Variants in RARB observed in about 807,000 individuals in gnomAD.
The protein encoded by RARB is HBV-activated protein.
In RARB, 17 loss-of-function variants were observed where a neutral mutation model predicts 51.9. The ratio of observed to expected loss-of-function variants is 0.33; its 90% CI spans 0.22 to 0.49. The LOEUF (loss-of-function observed/expected upper bound fraction) is 0.49. RARB is among the 20% of genes least tolerant of loss of function. The pLI, the probability that RARB is intolerant of heterozygous loss-of-function variation, is 0.99. For synonymous variants in RARB, 215 were observed against 195.4 expected, an observed-to-expected ratio of 1.10 and a Z score of -0.84; for missense variants, 369 against 550.8, an observed-to-expected ratio of 0.67 and a Z score of 3.30.
intron 2 of RARB, among the ~76,000 whole-genome samples, chr3:24,885,382 A>T (rs762837467): frequency 2.0e-5 from 3 of 152,142 alleles, no homozygotes; most frequent in Non-Finnish European, 4.4e-5. Flanking sequence ...TCTGGTGGGG[A>T]TTTGAGCATC....
intron 5 of RARB, among the ~76,000 whole-genome samples, chr3:25,239,517 A>G (rs185795317): frequency 1.9e-3 from 288 of 152,260 alleles, no homozygotes; most frequent in Non-Finnish European, 3.6e-3. Flanking sequence ...TCTTCTGCAT[A>G]TGGGTGTCCA....
intron 2 of RARB, among the ~76,000 whole-genome samples, chr3:24,879,443 A>AT (rs1703113339): frequency 6.6e-6 from 1 of 150,790 alleles, no homozygotes; most frequent in Non-Finnish European, 1.5e-5. Flanking sequence ...TTAAAAAAAA[A>AT]TAAAAAATAA....
At chr3:25,168,480 C>T (rs1049250544) in intron 4 of RARB, among the ~76,000 whole-genome samples, 2 of 152,130 alleles carry the variant, frequency 1.3e-5, no homozygotes, top group African/African-American at 4.8e-5. Context: ...CCCACCTCAG[C>T]CTCCCAAAGT....
Position 25,428,538 on chromosome 3 carries a change from G to T in RARB, c.-194G>T. The T allele has an allele frequency of 1.6e-6, 2 of 1,276,014 alleles. No homozygotes were observed. The highest frequency in any genetic ancestry group is 5.9e-5 in the South Asian group (2 of 33,630). The allele number at this position is 1,276,014 out of a possible 1,614,324, so 79.0% of individuals were successfully genotyped here. ...CGAGCAAGCCTGGAAAATGGTAAATGATCATTTGGATCAATTACAGGCTTT... is the reference window on the plus strand; with the variant it reads ...CGAGCAAGCCTGGAAAATGGTAAATTATCATTTGGATCAATTACAGGCTTT... On this transcript the variant is annotated 5_prime_UTR_variant, in exon 1 of 8. The change abolishes an upstream ATG in the 5' untranslated region. Coordinates refer to ENST00000330688, the MANE Select transcript of RARB (RefSeq NM_000965.5).
chr3:25,580,675 A>C lies in RARB; in HGVS notation c.739A>C (p.Ile247Leu). 6.2e-6 allele frequency: 10 copies of C among 1,611,720 alleles called. No individual in the cohort carries two copies. Among genetic ancestry groups the C allele is most frequent in the Non-Finnish European group, 7.6e-6 (9 of 1,178,070 alleles). ...KRLPGFTGLT[I>L]ADQITLLKAA... ...TCTGCCTGGTTTCACTGGCTTGACC[A>C]TCGCAGACCAAATTACCCTGCTGAA... is the stretch of plus-strand genomic sequence containing the variant. Residue 247 changes from isoleucine to leucine, a missense_variant, in exon 5 of 8, where the codon ATC becomes CTC. By Grantham distance (5) the Ile-to-Leu change is conservative. This residue lies in a region of RARB where 49 missense variants were observed against 103.4 expected (regional missense o/e 0.47). Coordinates refer to ENST00000330688, the MANE Select transcript of RARB (RefSeq NM_000965.5).
chr3:25,049,459 C>T (rs987311904), intron 2 of RARB, among the ~76,000 whole-genome samples: 8 of 152,200 alleles, frequency 5.3e-5, no homozygotes, highest in African/African-American at 1.9e-4. Flanking sequence ...ATTTACATCA[C>T]TTTGACTATT....
chr3:25,081,170 A>C (rs1397752044), intron 3 of RARB, among the ~76,000 whole-genome samples: 1 of 152,140 alleles, frequency 6.6e-6, no homozygotes, highest in Non-Finnish European at 1.5e-5. Context: ...TTAATTCAAA[A>C]TATTTTTAAA....
At chr3:24,913,751 T>G (rs561319142) in intron 2 of RARB, among the ~76,000 whole-genome samples, 1 of 152,306 alleles carries the variant, frequency 6.6e-6, no homozygotes, top group South Asian at 2.1e-4. Flanking sequence ...AGTCCCATAT[T>G]TTGAACGTTT....
At chr3:25,325,344 GCTTCTTTACCA>G (rs1704683462) in intron 5 of RARB, among the ~76,000 whole-genome samples, 1 of 152,058 alleles carries the variant, frequency 6.6e-6, no homozygotes, top group Non-Finnish European at 1.5e-5. Context: ...GTTTTGGCTG[GCTTCTTTACCA>G]CAGCCTGTTC....
rs371036968 is a variant in RARB, at chr3:25,404,010, C to T, written c.179-57183C>T. Reference sequence around the variant, plus strand: ...ATTTTTTTTTTCTGGACAAGATCCACCTGGAGCTTTTCAGAGGTTGCTGAT... The same window carrying T: ...ATTTTTTTTTTCTGGACAAGATCCATCTGGAGCTTTTCAGAGGTTGCTGAT... On this transcript the variant is annotated intron_variant, in intron 5 of 11. Transcript: ENST00000383772. Among the ~76,000 whole-genome samples, 7 of 151,166 alleles carry T rather than the reference C, an allele frequency of 4.6e-5. No individual in the cohort carries two copies. The East Asian group carries it at 9.7e-4, about 21-fold the overall frequency.
Position 25,442,116 on chromosome 3 carries a change from T to TTATTTATTTATTTA in RARB, c.157+13229_157+13230insATTTATTTATTTAT, listed in dbSNP as rs1553615541. ...AAGTGACTTTTTAATTTTATTTTAT[T>TTATTTATTTATTTA]TTTATTTATTTATTTATTTATTTAT... On this transcript the variant is annotated intron_variant, in intron 1 of 7. Coordinates refer to ENST00000330688, the MANE Select transcript of RARB (RefSeq NM_000965.5). 3.4e-3 allele frequency among the ~76,000 whole-genome samples: 498 copies of TTATTTATTTATTTA among 147,830 alleles called. 1 individual carries two copies. The highest frequency in any genetic ancestry group is 4.3e-3 in the Non-Finnish European group (290 of 67,110).
intron 5 of RARB, among the ~76,000 whole-genome samples, chr3:25,586,399 G>A (rs549587090): frequency 2.4e-4 from 36 of 152,288 alleles, no homozygotes; most frequent in Admixed American, 7.8e-4. Context: ...GTTGGTCGCC[G>A]TGGCAGGGTT....
At position 25,541,108 on chromosome 3, in the gene RARB, C is replaced by G. The variant is rs144083402; in HGVS notation, c.449-28650C>G. Reference sequence around the variant, plus strand: ...ATGCCTATTCATTTATACTCATTGTCTAAAGCTGCTTTCCCAGGACAACCA... The same window carrying G: ...ATGCCTATTCATTTATACTCATTGTGTAAAGCTGCTTTCCCAGGACAACCA... On this transcript the variant is annotated intron_variant, in intron 3 of 7. Transcript: ENST00000330688. Among the ~76,000 whole-genome samples the G allele has an allele frequency of 8.7e-4, 133 of 152,310 alleles. 1 individual carries two copies. The highest frequency in any genetic ancestry group is 3.0e-3 in the African/African-American group (125 of 41,560).
At chr3:25,479,738 G>A (rs1430387341) in intron 2 of RARB, among the ~76,000 whole-genome samples, 1 of 152,086 alleles carries the variant, frequency 6.6e-6, no homozygotes, top group African/African-American at 2.4e-5. Flanking sequence ...TAAAGGAAGT[G>A]GATTATCACT....
At chr3:25,295,629 C>T (rs775763807) in intron 5 of RARB, among the ~76,000 whole-genome samples, 1 of 152,078 alleles carries the variant, frequency 6.6e-6, no homozygotes, top group Admixed American at 6.6e-5. Context: ...TTTTATTTGC[C>T]TAATATGTAG....
chr3:25,409,533 G>T (rs7630502), intron 5 of RARB, among the ~76,000 whole-genome samples: 94,417 of 151,860 alleles, frequency 0.62, 29,630 homozygotes, highest in East Asian at 0.81. Flanking sequence ...TTAGGGCTCA[G>T]AGAGAACGTG....
intron 3 of RARB, among the ~76,000 whole-genome samples, chr3:25,540,173 T>C (rs1275549138): frequency 6.6e-6 from 1 of 152,214 alleles, no homozygotes; most frequent in Non-Finnish European, 1.5e-5. Context: ...ATTTAGTAAT[T>C]GATCAATTCC....
chr3:25,079,102 C>T (rs543318252), intron 3 of RARB, among the ~76,000 whole-genome samples: 31 of 151,952 alleles, frequency 2.0e-4, no homozygotes, highest in African/African-American at 6.8e-4. Context: ...TTGACGCTTA[C>T]ACATATTCTA....
rs1485936218 is a variant in RARB, at chr3:25,438,327, GCCC to G, written c.157+9440_157+9442del. 7.6e-3 allele frequency among the ~76,000 whole-genome samples: 1,163 copies of G among 152,232 alleles called. 30 individuals are homozygous for G. In the East Asian group the frequency reaches 0.087, roughly 11 times the overall value. On this transcript the variant is annotated intron_variant, in intron 1 of 7. Coordinates refer to ENST00000330688, the MANE Select transcript of RARB (RefSeq NM_000965.5). ...TGCTGGTGAAGCAGACACAGGGCCA[GCCC>G]AGATTCAATAACTACCTTTCAGTTT...
Sources: allele counts gnomAD v4.1 joint callset (sites outside exome capture counted in the v4.1 genomes callset), GRCh38; gene constraint gnomAD v4.1.1; regional missense constraint gnomAD v4.1.1; transcripts MANE v1.5; gene names NCBI Gene and HGNC (gene_info 2026-07-23, HGNC 2026-07-21).